Variants in PTPRM observed in about 807,000 individuals in gnomAD.
PTPRM encodes the protein protein tyrosine phosphatase receptor type M, also known as receptor-type tyrosine-protein phosphatase mu.
A neutral mutation model predicts 186.7 loss-of-function variants in PTPRM; 47 were observed. The observed-to-expected ratio is 0.25, with a 90% CI of 0.20 to 0.32. The LOEUF (loss-of-function observed/expected upper bound fraction) is 0.32. PTPRM is among the 10% of genes least tolerant of loss of function. The pLI, the probability that PTPRM is intolerant of heterozygous loss-of-function variation, is 1.00. For missense variants in PTPRM, 1,494 were observed against 1,865.0 expected (o/e 0.80, Z 3.66); for synonymous variants, 668 against 674.9 (o/e 0.99, Z 0.16).
At chr18:8,076,719 G>T (rs1003987062) in intron 9 of PTPRM, among the ~76,000 whole-genome samples, 155 bp downstream of exon 9, 1 of 151,960 alleles carries the variant, frequency 6.6e-6, no homozygotes, top group African/African-American at 2.4e-5. Context: ...GAAGAAAATT[G>T]TAAAAATAAG....
chr18:8,199,187 G>A (rs1473710380), intron 14 of PTPRM, among the ~76,000 whole-genome samples: 1 of 152,176 alleles, frequency 6.6e-6, no homozygotes, highest in Non-Finnish European at 1.5e-5. Flanking sequence ...TATGCCTTAA[G>A]TTATTTCAGC....
chr18:8,302,160 T>A (rs1301051692), intron 20 of PTPRM, among the ~76,000 whole-genome samples: 1 of 151,672 alleles, frequency 6.6e-6, no homozygotes, highest in African/African-American at 2.4e-5. Flanking sequence ...ACAGAAGGAG[T>A]TAACATGGTA....
intron 4 of PTPRM, among the ~76,000 whole-genome samples, chr18:7,915,395 T>G (rs912604109): frequency 6.6e-5 from 10 of 152,160 alleles, no homozygotes; most frequent in Admixed American, 5.2e-4. Flanking sequence ...GATTGAAATT[T>G]CTGTTCTAAA....
At chr18:7,924,355 G>T (rs1400837355) in intron 4 of PTPRM, among the ~76,000 whole-genome samples, 4 of 152,110 alleles carry the variant, frequency 2.6e-5, no homozygotes, top group African/African-American at 9.7e-5. Context: ...TACTAAAATA[G>T]ATTTATTAGA....
intron 2 of PTPRM, among the ~76,000 whole-genome samples, chr18:7,828,485 A>G (rs1301655588): frequency 6.6e-6 from 1 of 152,006 alleles, no homozygotes; most frequent in Non-Finnish European, 1.5e-5. Context: ...TCAGAGGGCA[A>G]ACTGAAACCT....
intron 23 of PTPRM, among the ~76,000 whole-genome samples, chr18:8,353,196 A>C (rs1266196464): frequency 6.6e-6 from 1 of 152,154 alleles, no homozygotes; most frequent in Non-Finnish European, 1.5e-5. Flanking sequence ...GATGCAGCTG[A>C]TGAGGGAAGA....
intron 7 of PTPRM, among the ~76,000 whole-genome samples, chr18:8,019,128 C>G (rs1431382511): frequency 1.3e-5 from 2 of 152,162 alleles, no homozygotes; most frequent in South Asian, 4.1e-4. Context: ...GTTCACTGCA[C>G]TCTGCACAGA....
intron 2 of PTPRM, among the ~76,000 whole-genome samples, chr18:7,807,170 G>A (rs2044278076): frequency 6.6e-6 from 1 of 152,180 alleles, no homozygotes. Context: ...ACGGATTTCA[G>A]TTTTCAAAGT....
At chr18:8,403,121 G>C (rs944542984) in intron 32 of PTPRM, 11 of 152,188 alleles carry the variant, frequency 7.2e-5, no homozygotes, top group African/African-American at 2.7e-4. Flanking sequence ...TAGGACCTCA[G>C]GCTCCTGGTC....
rs185200296 is a variant in PTPRM, at chr18:8,165,163, A to C, written c.2300+21384A>C. ...CTGCGTGGTGACAGAGCAAGACTCC[A>C]TCTCAAAAAAAAAAAAAAAAGAAAG... On this transcript the variant is annotated intron_variant, in intron 14 of 32. Transcript: ENST00000580170. Among the ~76,000 whole-genome samples the C allele has an allele frequency of 2.1e-3, 273 of 131,774 alleles. 1 individual carries two copies. The highest frequency in any genetic ancestry group is 3.1e-3 in the Non-Finnish European group (202 of 64,596). The allele number at this position is 131,774 out of a possible 152,430, so 86.4% of individuals were successfully genotyped here. A position where few individuals can be genotyped will look rare whatever the true frequency, so the allele number is the denominator to read the frequency against.
intron 7 of PTPRM, among the ~76,000 whole-genome samples, chr18:8,048,928 A>G (rs2087267547): frequency 6.6e-6 from 1 of 152,108 alleles, no homozygotes; most frequent in Admixed American, 6.5e-5. Context: ...CCTGGGTAAA[A>G]TATCAGTTCC....
chr18:7,912,948 A>C, intron 4 of PTPRM, among the ~76,000 whole-genome samples: 1 of 152,168 alleles, frequency 6.6e-6, no homozygotes, highest in Non-Finnish European at 1.5e-5. Context: ...TTGCTATCTT[A>C]ACATTATCAG....
intron 8 of PTPRM, among the ~76,000 whole-genome samples, chr18:8,072,621 A>G (rs2089554481): frequency 6.6e-6 from 1 of 152,172 alleles, no homozygotes; most frequent in East Asian, 1.9e-4. Flanking sequence ...CACTTTGTTT[A>G]TCCATCAACA....
At chr18:8,039,032 T>A (rs913289485) in intron 7 of PTPRM, among the ~76,000 whole-genome samples, 1 of 152,174 alleles carries the variant, frequency 6.6e-6, no homozygotes, top group African/African-American at 2.4e-5. Flanking sequence ...ATTTTATGAT[T>A]TTATGCAACT....
At chr18:7,660,642 G>C (rs1198677990) in intron 1 of PTPRM, among the ~76,000 whole-genome samples, 1 of 152,096 alleles carries the variant, frequency 6.6e-6, no homozygotes, top group East Asian at 1.9e-4. Context: ...TTCTTCTCTT[G>C]GGCCTTAGCA....
intron 14 of PTPRM, among the ~76,000 whole-genome samples, chr18:8,208,468 A>ATTTTCTTTATTGCGTTTCTCTTACACTGT: frequency 1.3e-5 from 2 of 152,124 alleles, no homozygotes; most frequent in Admixed American, 1.3e-4. Context: ...GGGAAGGTAG[A>ATTTTCTTTATTGCGTTTCTCTTACACTGT]TAAGGAGTGG....
intron 7 of PTPRM, among the ~76,000 whole-genome samples, chr18:7,979,426 A>G (rs1201463644): frequency 6.6e-6 from 1 of 152,160 alleles, no homozygotes; most frequent in Non-Finnish European, 1.5e-5. Context: ...ATTTTTTGAA[A>G]CGCAGATCTA....
At chr18:8,354,228 AT>A (rs1568814174) in intron 23 of PTPRM, among the ~76,000 whole-genome samples, 1 of 150,110 alleles carries the variant, frequency 6.7e-6, no homozygotes, top group African/African-American at 2.5e-5. Flanking sequence ...AAAAAAAAGT[AT>A]AATGCAAAGT....
intron 21 of PTPRM, 126 bp downstream of exon 21, chr18:8,314,983 A>G (rs1448373664): frequency 7.0e-6 from 4 of 573,342 alleles, no homozygotes; most frequent in Non-Finnish European, 5.9e-6. Flanking sequence ...AGTAAACCCA[A>G]CCATTCTGAC....
Sources: gnomAD v4.1 joint callset for allele counts (sites outside exome capture counted in the v4.1 genomes callset) on GRCh38, gnomAD v4.1.1 for gene constraint, MANE v1.5 for transcripts, NCBI Gene and HGNC (gene_info 2026-07-23, HGNC 2026-07-21) for gene names.